Variants in DNAL1 observed in about 807,000 individuals in gnomAD.
DNAL1 encodes the protein chromosome 14 open reading frame 168.
In DNAL1, 17 loss-of-function variants were observed where a neutral mutation model predicts 29.4. The observed-to-expected ratio is 0.58, with a 90% CI of 0.40 to 0.87. The LOEUF is 0.87. DNAL1 is among the 40% of genes least tolerant of loss of function. The pLI is 0.00. For missense variants in DNAL1, 188 were observed against 214.1 expected (o/e 0.88, Z 0.76); for synonymous variants, 78 against 76.3 (o/e 1.02, Z -0.12).
chr14:73,654,795 T>G, intron 1 of DNAL1, 52 bp from the exon 2 acceptor site: 1 of 1,457,640 alleles, frequency 6.9e-7, no homozygotes, highest in Non-Finnish European at 9.1e-7. Flanking sequence ...CATACATTCA[T>G]ACATACATAC....
chr14:73,670,798 G>A (rs918519345), intron 4 of DNAL1, among the ~76,000 whole-genome samples: 3 of 151,348 alleles, frequency 2.0e-5, no homozygotes, highest in African/African-American at 4.9e-5. Flanking sequence ...GTGCAGTGGC[G>A]AGATCTCGGC....
chr14:73,669,180 C>T (rs966516018), intron 4 of DNAL1, among the ~76,000 whole-genome samples: 3 of 152,050 alleles, frequency 2.0e-5, no homozygotes, highest in African/African-American at 7.2e-5. Flanking sequence ...CACTCTGTTA[C>T]CCAGGCTAGA....
At chr14:73,685,510 A>C (rs1595223036) in intron 5 of DNAL1, among the ~76,000 whole-genome samples, 1 of 143,706 alleles carries the variant, frequency 7.0e-6, no homozygotes, top group South Asian at 2.2e-4. Context: ...CTGAGGCTGG[A>C]GTGCAGTTGC....
Position 73,695,048 on chromosome 14 carries a change from CTTTTT to C in DNAL1, c.533-833_533-829del, listed in dbSNP as rs71112798. On this transcript the variant is annotated intron_variant, in intron 7 of 7. Coordinates refer to ENST00000553645, the MANE Select transcript of DNAL1 (RefSeq NM_031427.4). The stretch of plus-strand genomic sequence containing the variant: ...TATTTTTCTACTTGGTACTTGTTGG[CTTTTT>C]TTTTTTTTTTTTTTTTTTTTGAGAC... 8.5e-3 allele frequency among the ~76,000 whole-genome samples: 519 copies of C among 60,888 alleles called. 2 individuals carry two copies. The highest frequency in any genetic ancestry group is 0.034 in the African/African-American group (484 of 14,212). The allele number at this position is 60,888 out of a possible 152,430, so 39.9% of individuals were successfully genotyped here. A position where few individuals can be genotyped will look rare whatever the true frequency, so the allele number is the denominator to read the frequency against.
At chr14:73,650,511 G>A (rs1891090353) in intron 1 of DNAL1, among the ~76,000 whole-genome samples, 1 of 152,304 alleles carries the variant, frequency 6.6e-6, no homozygotes, top group African/African-American at 2.4e-5. Flanking sequence ...TAAACACATA[G>A]AGGAATGCTT....
chr14:73,654,586 C>T (rs1198657855), intron 1 of DNAL1, among the ~76,000 whole-genome samples: 1 of 152,018 alleles, frequency 6.6e-6, no homozygotes, highest in Non-Finnish European at 1.5e-5. Flanking sequence ...GGTGAAACCC[C>T]ATCTCTACTA....
At chr14:73,683,592 C>T (rs1891942004) in intron 5 of DNAL1, among the ~76,000 whole-genome samples, 1 of 151,974 alleles carries the variant, frequency 6.6e-6, no homozygotes, top group Non-Finnish European at 1.5e-5. Flanking sequence ...ACTCATTTAC[C>T]AACTTATTCC....
intron 5 of DNAL1, among the ~76,000 whole-genome samples, chr14:73,673,839 A>G (rs1236129090): frequency 6.6e-6 from 1 of 151,692 alleles, no homozygotes; most frequent in African/African-American, 2.4e-5. Context: ...TTGAGTTTAC[A>G]GTGAACTATG....
chr14:73,645,884 A>G (rs914744774), intron 1 of DNAL1, among the ~76,000 whole-genome samples: 9 of 152,236 alleles, frequency 5.9e-5, no homozygotes, highest in Admixed American at 5.2e-4. Context: ...AGACCCAGCC[A>G]GAGCTATTGA....
At chr14:73,671,978 A>C (rs950274886) in intron 5 of DNAL1, among the ~76,000 whole-genome samples, 1 of 152,210 alleles carries the variant, frequency 6.6e-6, no homozygotes, top group African/African-American at 2.4e-5. Context: ...ATACTTTTTG[A>C]TGTTTATTGT....
At position 73,654,923 on chromosome 14, in the gene DNAL1, C is replaced by T. The variant is rs750277861; in HGVS notation, c.42+38C>T. 6 of 1,526,222 alleles carry T rather than the reference C, an allele frequency of 3.9e-6. No homozygotes were observed. The South Asian group carries it at 5.1e-5, about 13-fold the overall frequency. The allele number at this position is 1,526,222 out of a possible 1,614,324, so 94.5% of individuals were successfully genotyped here. ...GTTTTTCCTTCTTTTAGAAACTGTA[C>T]AAGGAAAAATTTTGGATAGTTATTC... On this transcript the variant is annotated intron_variant, in intron 2 of 7. Coordinates refer to ENST00000553645, the MANE Select transcript of DNAL1 (RefSeq NM_031427.4).
At chr14:73,677,883 TTTGTGTGTGTGTG>T (rs1891781904) in intron 5 of DNAL1, among the ~76,000 whole-genome samples, 2 of 125,328 alleles carry the variant, frequency 1.6e-5, no homozygotes, top group Admixed American at 8.7e-5. Context: ...TATATATATA[TTTGTGTGTGTGTG>T]TGTGTGTGTG....
intron 3 of DNAL1, among the ~76,000 whole-genome samples, 198 bp downstream of exon 3, chr14:73,659,154 T>C (rs75412859): frequency 0.011 from 1,605 of 146,868 alleles, 27 homozygotes; most frequent in African/African-American, 0.039. Flanking sequence ...TTGAACAGTA[T>C]AGTACAATTT....
At chr14:73,675,426 G>C (rs928181261) in intron 5 of DNAL1, among the ~76,000 whole-genome samples, 1 of 151,898 alleles carries the variant, frequency 6.6e-6, no homozygotes, top group African/African-American at 2.4e-5. Context: ...ACTACAGGTG[G>C]ATAGCTGGGA....
intron 1 of DNAL1, among the ~76,000 whole-genome samples, chr14:73,652,496 G>A (rs1286132824): frequency 6.6e-6 from 1 of 151,808 alleles, no homozygotes; most frequent in African/African-American, 2.4e-5. Flanking sequence ...GGCTGGTCTC[G>A]AACTCCTGGG....
At chr14:73,671,027 C>T (rs62004922) in intron 4 of DNAL1, among the ~76,000 whole-genome samples, 31,080 of 152,100 alleles carry the variant, frequency 0.2, 4,181 homozygotes, top group Non-Finnish European at 0.3. Context: ...TGAGCCACCA[C>T]GCCCGGCCAG....
chr14:73,649,298 T>C (rs1321290886), intron 1 of DNAL1, among the ~76,000 whole-genome samples: 1 of 151,428 alleles, frequency 6.6e-6, no homozygotes, highest in African/African-American at 2.4e-5. Flanking sequence ...TTTTTTTTTT[T>C]TTGAGACGGA....
chr14:73,679,206 G>A (rs978601674), intron 5 of DNAL1, among the ~76,000 whole-genome samples: 8 of 152,006 alleles, frequency 5.3e-5, no homozygotes, highest in African/African-American at 7.2e-5. Flanking sequence ...CATATTGGCC[G>A]TGCTGGTCTG....
At chr14:73,647,416 T>C (rs1279928480) in intron 1 of DNAL1, among the ~76,000 whole-genome samples, 2 of 151,802 alleles carry the variant, frequency 1.3e-5, no homozygotes, top group Non-Finnish European at 2.9e-5. Context: ...TGTTTCACCA[T>C]TGGACACTTT....
Sources: gnomAD v4.1 joint callset for allele counts (sites outside exome capture counted in the v4.1 genomes callset) on GRCh38, gnomAD v4.1.1 for gene constraint, MANE v1.5 for transcripts, NCBI Gene and HGNC (gene_info 2026-07-23, HGNC 2026-07-21) for gene names.